The following EFR3B variants were observed in gnomAD, a reference collection of about 807,000 sequenced individuals.
EFR3B encodes EFR3 homolog B.
A neutral mutation model predicts 104.7 loss-of-function variants in EFR3B; 64 were observed. The observed-to-expected ratio is 0.61, with a 90% CI of 0.50 to 0.75. The LOEUF is 0.75. Ranked by LOEUF, EFR3B falls within the 30% of genes least tolerant of loss-of-function variation. The probability of loss-of-function intolerance (pLI) is 0.00; values close to 1 mark genes in which losing one functional copy is unlikely to be tolerated. For missense variants in EFR3B, 750 were observed against 1,078.5 expected (o/e 0.70, Z 4.27); for synonymous variants, 385 against 417.9 (o/e 0.92, Z 0.96).
At chr2:25,127,117 G>A (rs978984958) in intron 5 of EFR3B, among the ~76,000 whole-genome samples, 7 of 149,892 alleles carry the variant, frequency 4.7e-5, no homozygotes, top group South Asian at 2.1e-4. Flanking sequence ...GCTTGAACCC[G>A]GGAGGCAGAG....
chr2:25,078,186 C>T (rs553622150), intron 1 of EFR3B, among the ~76,000 whole-genome samples: 19 of 152,318 alleles, frequency 1.2e-4, no homozygotes, highest in South Asian at 4.1e-4. Flanking sequence ...AAGTGCCCTG[C>T]GAACTGCTGG....
chr2:25,148,109 T>C (rs147793906), intron 19 of EFR3B, among the ~76,000 whole-genome samples: 68 of 152,016 alleles, frequency 4.5e-4, no homozygotes, highest in Middle Eastern at 6.8e-3. Flanking sequence ...TTCTGGAATT[T>C]AGTCCAAATT....
chr2:25,092,358 A>G (rs1669148927), intron 2 of EFR3B, among the ~76,000 whole-genome samples: 1 of 150,876 alleles, frequency 6.6e-6, no homozygotes, highest in Non-Finnish European at 1.5e-5. Flanking sequence ...GTGAGCCACC[A>G]CACCCGGCCT....
chr2:25,123,839 C>A (rs1000526182), intron 5 of EFR3B, among the ~76,000 whole-genome samples: 5 of 152,268 alleles, frequency 3.3e-5, no homozygotes, highest in Non-Finnish European at 7.3e-5. Context: ...TGCACATACA[C>A]ATGATCTGTA....
At chr2:25,066,956 G>C (rs1020337932) in intron 1 of EFR3B, among the ~76,000 whole-genome samples, 3 of 152,152 alleles carry the variant, frequency 2.0e-5, no homozygotes, top group Non-Finnish European at 2.9e-5. Context: ...ATCAGATTTT[G>C]TGAGGAGTTT....
At chr2:25,080,494 CG>C in intron 1 of EFR3B, 1 of 471,536 alleles carries the variant, frequency 2.1e-6, no homozygotes, top group African/African-American at 2.0e-5. Context: ...GGGGTTTCAC[CG>C]TGTTGGCCAG....
chr2:25,077,263 A>G (rs1668654325), intron 1 of EFR3B, among the ~76,000 whole-genome samples: 1 of 152,252 alleles, frequency 6.6e-6, no homozygotes, highest in African/African-American at 2.4e-5. Flanking sequence ...AGATGAAATA[A>G]TAAGTAGCCA....
intron 1 of EFR3B, among the ~76,000 whole-genome samples, chr2:25,047,455 C>T (rs942542671): frequency 6.6e-6 from 1 of 151,920 alleles, no homozygotes; most frequent in African/African-American, 2.4e-5. Context: ...TTTCCCTTCC[C>T]CTTTTCTTAA....
intron 3 of EFR3B, among the ~76,000 whole-genome samples, chr2:25,101,830 C>T (rs1385809337): frequency 2.1e-5 from 3 of 140,348 alleles, no homozygotes; most frequent in South Asian, 2.4e-4. Flanking sequence ...AACTTAACTC[C>T]GAAACTGTAA....
intron 5 of EFR3B, among the ~76,000 whole-genome samples, chr2:25,126,307 G>A (rs1670166822): frequency 6.6e-6 from 1 of 151,848 alleles, no homozygotes; most frequent in Non-Finnish European, 1.5e-5. Flanking sequence ...TTCCACCCCA[G>A]CCTCCTGAGT....
intron 3 of EFR3B, among the ~76,000 whole-genome samples, chr2:25,101,011 T>G (rs1669418019): frequency 6.6e-6 from 1 of 152,244 alleles, no homozygotes; most frequent in Admixed American, 6.5e-5. Flanking sequence ...TTGCTCAGAA[T>G]TCACCTTTAT....
intron 1 of EFR3B, among the ~76,000 whole-genome samples, chr2:25,080,430 G>A (rs559031024): frequency 6.6e-6 from 1 of 151,600 alleles, no homozygotes; most frequent in Non-Finnish European, 1.5e-5. Flanking sequence ...GAGTAGCTGG[G>A]ATTACAGGTG....
chr2:25,060,971 A>C (rs1668177344), intron 1 of EFR3B, among the ~76,000 whole-genome samples: 1 of 151,752 alleles, frequency 6.6e-6, no homozygotes, highest in Non-Finnish European at 1.5e-5. Flanking sequence ...AAAACTAGCC[A>C]CTGTCCTGAG....
intron 1 of EFR3B, among the ~76,000 whole-genome samples, chr2:25,055,923 T>C (rs551383416): frequency 6.6e-6 from 1 of 152,224 alleles, no homozygotes; most frequent in Non-Finnish European, 1.5e-5. Context: ...TCTGTGAACC[T>C]CTTGAGGACA....
intron 3 of EFR3B, among the ~76,000 whole-genome samples, chr2:25,095,609 T>A (rs1669254090): frequency 6.6e-6 from 1 of 152,040 alleles, no homozygotes; most frequent in Admixed American, 6.6e-5. Flanking sequence ...GATGGGGTAA[T>A]CGCTTGAACC....
Position 25,114,248 on chromosome 2 carries a change from G to A in EFR3B, c.364-7425G>A, listed in dbSNP as rs911876592. ...AAGATTCAGGAACCACATAGGGTGG[G>A]CTCTCTAGGAGCTGCCCCAACAGGG... On this transcript the variant is annotated intron_variant, in intron 4 of 22. Transcript: ENST00000403714. This position sits in a 1 kb window ranked among gnomAD's most constrained non-coding sequence, Gnocchi z 4.0. Among the ~76,000 whole-genome samples the A allele has an allele frequency of 6.6e-6, 1 of 152,106 alleles. No homozygotes were observed. Among genetic ancestry groups the A allele is most frequent in the African/African-American group, 2.4e-5 (1 of 41,400 alleles).
rs201381425 is a variant in EFR3B at position 25,092,443 on chromosome 2, C to CACACAT, written c.85-560_85-559insACACAT. ...ACACACTTACACACACACACACACA[C>CACACAT]GGTATATATATACACACCCATACAC... On this transcript the variant is annotated intron_variant, in intron 2 of 22. Coordinates refer to ENST00000403714, the MANE Select transcript of EFR3B (RefSeq NM_014971.2). 8.1e-3 allele frequency among the ~76,000 whole-genome samples: 1,215 copies of CACACAT among 150,798 alleles called. 20 individuals are homozygous for CACACAT. The highest frequency in any genetic ancestry group is 0.029 in the Admixed American group (435 of 15,186).
rs928318981 is a variant in EFR3B at position 25,114,560 on chromosome 2, G to T, written c.364-7113G>T. 1.3e-5 allele frequency among the ~76,000 whole-genome samples: 2 copies of T among 152,192 alleles called. No individual in the cohort carries two copies. The highest frequency in any genetic ancestry group is 4.8e-5 in the African/African-American group (2 of 41,462). On this transcript the variant is annotated intron_variant, in intron 4 of 22. Transcript: ENST00000403714. The surrounding 1 kb of genome is among the most constrained non-coding windows in gnomAD (Gnocchi z 4.0). The stretch of plus-strand genomic sequence containing the variant: ...GCCCGAGGGAATGGAATGGTCAACA[G>T]CCCGAGCCTCAAGTCTGCAACCTCC...
At chr2:25,129,487 C>T (rs1288590014) in intron 6 of EFR3B, among the ~76,000 whole-genome samples, 2 of 152,078 alleles carry the variant, frequency 1.3e-5, no homozygotes, top group African/African-American at 4.8e-5. Context: ...CAGATGTGGG[C>T]CCACTCCCTG....
Sources: allele counts gnomAD v4.1 joint callset (sites outside exome capture counted in the v4.1 genomes callset), GRCh38; gene constraint gnomAD v4.1.1; non-coding constraint Gnocchi (gnomAD v3.1); transcripts MANE v1.5; gene names NCBI Gene and HGNC (gene_info 2026-07-23, HGNC 2026-07-21).